Variants in EMC2 observed in about 807,000 individuals in gnomAD.
EMC2 encodes the protein TPR repeat protein 35.
EMC2 carries 37 observed loss-of-function variants against 51.6 expected under a neutral mutation model. The ratio of observed to expected loss-of-function variants is 0.72; its 90% CI spans 0.55 to 0.94. EMC2 has a LOEUF of 0.94. Ranked by LOEUF, EMC2 falls within the 40% of genes least tolerant of loss-of-function variation. The pLI, the probability that EMC2 is intolerant of heterozygous loss-of-function variation, is 0.00. For synonymous variants in EMC2, 131 were observed against 112.4 expected (o/e 1.17, Z -1.04); for missense variants, 359 against 350.9 (o/e 1.02, Z -0.18).
At chr8:108,454,677 T>C (rs571852175) in intron 4 of EMC2, among the ~76,000 whole-genome samples, 3 of 152,214 alleles carry the variant, frequency 2.0e-5, no homozygotes, top group Admixed American at 1.3e-4. Context: ...TCTTTCTTTC[T>C]TTATATATTA....
Position 108,488,280 on chromosome 8 carries a change from G to C in EMC2, c.*1682G>C, listed in dbSNP as rs964141719. 6.6e-6 allele frequency among the ~76,000 whole-genome samples: 1 copy of C among 151,440 alleles called. No individual in the cohort carries two copies. The highest frequency in any genetic ancestry group is 6.6e-5 in the Admixed American group (1 of 15,186). ...GGGTTCAAGCGATTCTTGTGCCTCA[G>C]CCTCTGAGTAGCTGGGACTACAGGC... On this transcript the variant is annotated 3_prime_UTR_variant, in exon 11 of 11. Coordinates refer to ENST00000220853, the MANE Select transcript of EMC2 (RefSeq NM_014673.5).
rs769017888 is a variant in EMC2, at chr8:108,487,949, C to T, written c.*1351C>T. ...CTAATCTTTATTACCACAAAGATCC[C>T]GTCTTTGTACACATGAAATTAGTAA... is the stretch of plus-strand genomic sequence containing the variant. On this transcript the variant is annotated 3_prime_UTR_variant, in exon 11 of 11. Transcript: ENST00000220853. Among the ~76,000 whole-genome samples, 3 of 152,096 alleles carry T rather than the reference C, an allele frequency of 2.0e-5. No homozygotes were observed. Among genetic ancestry groups the T allele is most frequent in the African/African-American group, 7.2e-5 (3 of 41,412 alleles).
At chr8:108,468,065 C>T (rs1236144444) in intron 5 of EMC2, among the ~76,000 whole-genome samples, 2 of 152,166 alleles carry the variant, frequency 1.3e-5, no homozygotes, top group African/African-American at 4.8e-5. Flanking sequence ...AGACATTATG[C>T]TCTGTATATT....
chr8:108,479,030 C>A lies in EMC2; in HGVS notation c.727C>A (p.Pro243Thr), dbSNP rs754967960. 1 of 1,576,538 alleles carries A rather than the reference C, an allele frequency of 6.3e-7. No individual in the cohort carries two copies. Among genetic ancestry groups the A allele is most frequent in the Non-Finnish European group, 8.6e-7 (1 of 1,161,230 alleles). Residue 243 changes from proline (P) to threonine (T), a missense_variant, in exon 10 of 11, where the codon CCA becomes ACA. Transcript: ENST00000220853. ...YMSASHIASN[P>T]KASAKTKKDN... ...GTCGGCAAGTCATATTGCTTCTAAT[C>A]CAAAAGCAAGTGCAAAAACGAAAAA...
At position 108,478,996 on chromosome 8, in the gene EMC2, T is replaced by C. The variant is rs1294501324; in HGVS notation, c.703-10T>C. 2.3e-5 allele frequency: 35 copies of C among 1,524,902 alleles called. No individual in the cohort carries two copies. In the Admixed American group the frequency reaches 7.1e-4, roughly 31 times the overall value. 94.5% of individuals were successfully genotyped at this position (1,524,902 alleles called of 1,614,324 possible). A position where few individuals can be genotyped will look rare whatever the true frequency, so the allele number is the denominator to read the frequency against. On this transcript the variant is annotated splice_polypyrimidine_tract_variant and intron_variant, in intron 9 of 10. Coordinates refer to ENST00000220853, the MANE Select transcript of EMC2 (RefSeq NM_014673.5). ...GGAATTTTGCTTTTGATGTTTTTATTTGTTTTTAGTCGGCAAGTCATATTG... is the reference window on the plus strand; with the variant it reads ...GGAATTTTGCTTTTGATGTTTTTATCTGTTTTTAGTCGGCAAGTCATATTG...
intron 9 of EMC2, among the ~76,000 whole-genome samples, chr8:108,478,597 A>C (rs1163778077): frequency 6.6e-6 from 1 of 151,974 alleles, no homozygotes; most frequent in Non-Finnish European, 1.5e-5. Context: ...ATATTCAATA[A>C]TTCTATGATT....
At chr8:108,472,256 T>C (rs1810870045) in intron 7 of EMC2, among the ~76,000 whole-genome samples, 1 of 151,966 alleles carries the variant, frequency 6.6e-6, no homozygotes. Flanking sequence ...ATTTAGGTTA[T>C]ACCTTATTTT....
At chr8:108,455,739 T>C (rs774344581) in intron 4 of EMC2, 134 bp from the exon 5 acceptor site, 1 of 400,010 alleles carries the variant, frequency 2.5e-6, no homozygotes, top group African/African-American at 2.1e-5. Context: ...GTAACGATTA[T>C]AAATGCATTT....
At chr8:108,456,001 T>TAGAA (rs10646253) in intron 5 of EMC2, 71 bp downstream of exon 5, 369,066 of 573,098 alleles carry the variant, frequency 0.64, 124,205 homozygotes, top group African/African-American at 0.81. Flanking sequence ...GAGGAAATAA[T>TAGAA]AGATACATAA....
intron 5 of EMC2, among the ~76,000 whole-genome samples, chr8:108,467,412 A>G (rs1248282009): frequency 2.0e-5 from 3 of 151,288 alleles, no homozygotes. Flanking sequence ...GCAGTGGCGC[A>G]GTCTCAGCTC....
intron 4 of EMC2, among the ~76,000 whole-genome samples, chr8:108,453,866 A>G (rs35522807): frequency 0.025 from 3,763 of 152,126 alleles, 63 homozygotes; most frequent in South Asian, 0.046. Flanking sequence ...TTGCAGTTCT[A>G]TTAGTTTTTG....
intron 5 of EMC2, among the ~76,000 whole-genome samples, chr8:108,463,255 G>C (rs1819374511): frequency 6.6e-6 from 1 of 152,216 alleles, no homozygotes; most frequent in Admixed American, 6.5e-5. Context: ...TTTTGAAGGA[G>C]ATGAGAAAAG....
In EMC2 at chr8:108,443,646, A is replaced by T. The variant is rs752049009; in HGVS notation, c.-13A>T. 1 of 1,607,270 alleles carries T rather than the reference A, an allele frequency of 6.2e-7. No homozygotes were observed. The highest frequency in any genetic ancestry group is 2.2e-5 in the East Asian group (1 of 44,550). ...CCCGCCCTCTCACCCCGCTGCCTCT[A>T]GGTTCTGGGAAGATGGCGAAGGTCT... On this transcript the variant is annotated 5_prime_UTR_variant, in exon 1 of 11. Coordinates refer to ENST00000220853, the MANE Select transcript of EMC2 (RefSeq NM_014673.5).
chr8:108,486,190 A>G (rs1262362661), intron 10 of EMC2, among the ~76,000 whole-genome samples: 2 of 111,216 alleles, frequency 1.8e-5, no homozygotes, highest in African/African-American at 7.9e-5. Flanking sequence ...GCATTTTAAA[A>G]TTATACTTTT....
At chr8:108,457,358 GT>G (rs1819194938) in intron 5 of EMC2, among the ~76,000 whole-genome samples, 1 of 137,910 alleles carries the variant, frequency 7.3e-6, no homozygotes, top group African/African-American at 2.5e-5. Flanking sequence ...GTGTGTGTGT[GT>G]GTGTGTGTGT....
At chr8:108,475,302 C>T (rs1286619288) in intron 7 of EMC2, 1 of 151,906 alleles carries the variant, frequency 6.6e-6, no homozygotes, top group Non-Finnish European at 1.5e-5. Context: ...AATAATAGTA[C>T]AGTATATATC....
intron 1 of EMC2, 108 bp downstream of exon 1, chr8:108,443,806 A>G (rs1045806472): frequency 8.2e-6 from 8 of 979,252 alleles, no homozygotes; most frequent in African/African-American, 1.6e-5. Context: ...TTTTGGTACC[A>G]GAGCCCTCAC....
chr8:108,457,325 T>TGTGC (rs1819191385), intron 5 of EMC2, among the ~76,000 whole-genome samples: 2 of 85,274 alleles, frequency 2.3e-5, no homozygotes, highest in South Asian at 3.7e-4. Context: ...GATGTGCGTG[T>TGTGC]GTGTGCGTGT....
chr8:108,485,625 A>C (rs1036050755), intron 10 of EMC2, among the ~76,000 whole-genome samples: 20 of 149,592 alleles, frequency 1.3e-4, no homozygotes, highest in Non-Finnish European at 3.0e-4. Flanking sequence ...CTTATCTAGT[A>C]AATCTTTTGT....
Sources: gnomAD v4.1 joint callset for allele counts (sites outside exome capture counted in the v4.1 genomes callset) on GRCh38, gnomAD v4.1.1 for gene constraint, MANE v1.5 for transcripts, NCBI Gene and HGNC (gene_info 2026-07-23, HGNC 2026-07-21) for gene names.